The following MECOM variants were observed in gnomAD, a reference collection of about 807,000 sequenced individuals.
MECOM encodes MDS1 and EVI1 complex locus.
In MECOM, 13 loss-of-function variants were observed where a neutral mutation model predicts 116.3. That is an observed-to-expected ratio of 0.11 (90% CI 0.07 to 0.18). The LOEUF (loss-of-function observed/expected upper bound fraction) is 0.18. MECOM is among the 10% of genes least tolerant of loss of function. MECOM has a pLI of 1.00. For missense variants in MECOM, 1,299 were observed against 1,509.0 expected, an observed-to-expected ratio of 0.86 and a Z score of 2.31; for synonymous variants, 528 against 535.2, an observed-to-expected ratio of 0.99 and a Z score of 0.19.
intron 1 of MECOM, among the ~76,000 whole-genome samples, chr3:169,452,665 G>A (rs544278877): frequency 3.4e-4 from 51 of 152,216 alleles, no homozygotes; most frequent in Non-Finnish European, 6.5e-4. Flanking sequence ...GCTTCAGAGG[G>A]GCCAGGTTTC....
At chr3:169,397,318 A>G (rs1182481988) in intron 1 of MECOM, among the ~76,000 whole-genome samples, 1 of 152,202 alleles carries the variant, frequency 6.6e-6, no homozygotes, top group Non-Finnish European at 1.5e-5. Flanking sequence ...GGGCTAAACA[A>G]CGTTGGAGGA....
chr3:169,662,340 A>G (rs1262701851), intron 1 of MECOM, among the ~76,000 whole-genome samples: 1 of 152,106 alleles, frequency 6.6e-6, no homozygotes, highest in South Asian at 2.1e-4. Flanking sequence ...ACGCTCTGGC[A>G]GCCCGCCCCC....
chr3:169,411,678 C>T (rs536627243), intron 1 of MECOM, among the ~76,000 whole-genome samples: 2 of 152,342 alleles, frequency 1.3e-5, no homozygotes, highest in South Asian at 4.1e-4. Context: ...CCATCCACAC[C>T]TTACATAAAT....
chr3:169,239,498 A>G (rs568280459), intron 2 of MECOM, among the ~76,000 whole-genome samples: 1 of 152,126 alleles, frequency 6.6e-6, no homozygotes, highest in South Asian at 2.1e-4. Flanking sequence ...AAAAGTTCAC[A>G]TCAAGGGAAA....
chr3:169,519,537 G>C (rs1310214217), intron 1 of MECOM, among the ~76,000 whole-genome samples: 1 of 152,200 alleles, frequency 6.6e-6, no homozygotes, highest in African/African-American at 2.4e-5. Flanking sequence ...GTGTGGTTGT[G>C]ATACTGTGGT....
chr3:169,386,532 G>A (rs1733343859), intron 1 of MECOM, among the ~76,000 whole-genome samples: 1 of 152,116 alleles, frequency 6.6e-6, no homozygotes, highest in Non-Finnish European at 1.5e-5. Flanking sequence ...TTGGATTATA[G>A]TTTATTATAA....
At chr3:169,533,525 A>G (rs1454945219) in intron 1 of MECOM, among the ~76,000 whole-genome samples, 1 of 150,192 alleles carries the variant, frequency 6.7e-6, no homozygotes, top group African/African-American at 2.4e-5. Context: ...GTAAAGGATG[A>G]ATTTTCACAG....
chr3:169,483,204 T>TTA (rs1560335923), intron 1 of MECOM, among the ~76,000 whole-genome samples: 29 of 113,002 alleles, frequency 2.6e-4, no homozygotes, highest in African/African-American at 1.2e-3. Flanking sequence ...TTATTTTTAT[T>TTA]TTTTTTTTTT....
intron 1 of MECOM, among the ~76,000 whole-genome samples, chr3:169,638,212 C>G (rs1773047017): frequency 1.3e-5 from 2 of 152,146 alleles, no homozygotes; most frequent in Admixed American, 1.3e-4. Context: ...AGCATTAGTA[C>G]TACATTTCAA....
At chr3:169,152,444 T>C (rs1486780452) in intron 2 of MECOM, among the ~76,000 whole-genome samples, 3 of 152,152 alleles carry the variant, frequency 2.0e-5, no homozygotes, top group Non-Finnish European at 4.4e-5. Flanking sequence ...ATCACATCTT[T>C]ATGTGGACAA....
At chr3:169,435,831 A>T (rs1226225456) in intron 1 of MECOM, among the ~76,000 whole-genome samples, 3 of 152,230 alleles carry the variant, frequency 2.0e-5, no homozygotes, top group African/African-American at 7.2e-5. Flanking sequence ...GTATAAAAAC[A>T]AGCAGACAAT....
chr3:169,446,406 C>T (rs1047769112), intron 1 of MECOM, among the ~76,000 whole-genome samples: 18 of 152,094 alleles, frequency 1.2e-4, no homozygotes, highest in South Asian at 2.1e-4. Context: ...TGCCACTTGC[C>T]CTGCCATGAT....
Position 169,259,428 on chromosome 3 carries a change from C to T in MECOM, c.376-115596G>A, listed in dbSNP as rs1049431476. Among the ~76,000 whole-genome samples the T allele has an allele frequency of 2.0e-5, 3 of 152,166 alleles. 1 individual carries two copies. In the South Asian group the frequency reaches 6.2e-4, roughly 32 times the overall value. ...CTATTAGGATCATACTTTATTTCTT[C>T]TGGCCAAATATTTTCTGGGCCAGGC... On this transcript the variant is annotated intron_variant, in intron 2 of 16. Coordinates refer to ENST00000651503, the MANE Select transcript of MECOM (RefSeq NM_004991.4).
intron 1 of MECOM, among the ~76,000 whole-genome samples, chr3:169,610,854 G>A (rs1241512583): frequency 6.6e-6 from 1 of 152,156 alleles, no homozygotes; most frequent in Non-Finnish European, 1.5e-5. Context: ...CTAGAACAAG[G>A]CTGGCACATA....
chr3:169,449,369 C>T (rs958479529), intron 1 of MECOM, among the ~76,000 whole-genome samples: 13 of 152,180 alleles, frequency 8.5e-5, no homozygotes, highest in African/African-American at 3.1e-4. Context: ...AAGCCCCTCA[C>T]CTCAGATTAT....
At chr3:169,422,516 C>CT (rs1171703101) in intron 1 of MECOM, among the ~76,000 whole-genome samples, 1 of 152,006 alleles carries the variant, frequency 6.6e-6, no homozygotes, top group Admixed American at 6.6e-5. Flanking sequence ...TTCTTTCTTT[C>CT]TTTTTTGTTT....
intron 2 of MECOM, among the ~76,000 whole-genome samples, chr3:169,331,426 A>G (rs1401262570): frequency 6.6e-6 from 1 of 152,146 alleles, no homozygotes; most frequent in South Asian, 2.1e-4. Flanking sequence ...TGTAATACAC[A>G]ACAGCCATAA....
At chr3:169,493,574 T>TAC (rs1753396414) in intron 1 of MECOM, among the ~76,000 whole-genome samples, 1 of 142,974 alleles carries the variant, frequency 7.0e-6, no homozygotes, top group Non-Finnish European at 1.5e-5. Flanking sequence ...CACATATGTA[T>TAC]ACATATATAT....
intron 1 of MECOM, among the ~76,000 whole-genome samples, chr3:169,641,856 C>A (rs11720371): frequency 0.29 from 43,460 of 151,894 alleles, 7,389 homozygotes; most frequent in East Asian, 0.45. Flanking sequence ...TCAGAGAGAA[C>A]AATTGTGGGC....
Sources: allele counts gnomAD v4.1 joint callset (sites outside exome capture counted in the v4.1 genomes callset), GRCh38; gene constraint gnomAD v4.1.1; transcripts MANE v1.5; gene names NCBI Gene and HGNC (gene_info 2026-07-23, HGNC 2026-07-21).